DDHD1: variants seen among roughly 807,000 people sequenced by gnomAD.
The protein encoded by DDHD1 is phospholipase DDHD1.
DDHD1 carries 49 observed loss-of-function variants against 96.4 expected under a neutral mutation model. That is an observed-to-expected ratio of 0.51 (90% confidence interval 0.40 to 0.64). The LOEUF is 0.64. Ranked by LOEUF, DDHD1 falls within the 30% of genes least tolerant of loss-of-function variation. The probability of loss-of-function intolerance (pLI) is 0.00; values close to 1 mark genes in which losing one functional copy is unlikely to be tolerated. For missense variants in DDHD1, 1,106 were observed against 1,161.2 expected (o/e 0.95, Z 0.69); for synonymous variants, 442 against 446.5 (o/e 0.99, Z 0.13).
At chr14:53,070,449 T>C (rs1255177479) in intron 6 of DDHD1, among the ~76,000 whole-genome samples, 2 of 152,214 alleles carry the variant, frequency 1.3e-5, no homozygotes, top group African/African-American at 4.8e-5. Context: ...ATATTTTGAA[T>C]CCATCTCTTC....
intron 2 of DDHD1, among the ~76,000 whole-genome samples, chr14:53,096,650 C>T (rs753557806): frequency 9.9e-5 from 15 of 151,888 alleles, no homozygotes; most frequent in Non-Finnish European, 1.6e-4. Flanking sequence ...ATATCTAATG[C>T]AACCTTCCTG....
In DDHD1 at chr14:53,153,114, CCGGCTGTCCGGCGGCG is replaced by C. The variant is rs752918131; in HGVS notation, c.-32_-17del. 24 of 1,376,060 alleles carry C rather than the reference CCGGCTGTCCGGCGGCG, an allele frequency of 1.7e-5. No individual in the cohort carries two copies. Among genetic ancestry groups the C allele is most frequent in the Non-Finnish European group, 2.1e-5 (23 of 1,075,992 alleles). 85.2% of individuals were successfully genotyped at this position (1,376,060 alleles called of 1,614,324 possible). ...GGTAATTCATGCTGTGGAGACGCCG[CCGGCTGTCCGGCGGCG>C]CGCGGAGCCGTGACCCCCAGCGCTT... On this transcript the variant is annotated 5_prime_UTR_variant, in exon 1 of 13. Transcript: ENST00000673822.
Position 53,044,552 on chromosome 14 carries a change from G to GT in DDHD1, c.*2215dup, listed in dbSNP as rs1306875596. ...TTAACGATACAGTCATATAGCATGA[G>GT]TTTAATTTTCCTGAGAACTAAATTA... On this transcript the variant is annotated 3_prime_UTR_variant, in exon 13 of 13. Coordinates refer to ENST00000673822, the MANE Select transcript of DDHD1 (RefSeq NM_001160148.2). 6.6e-6 allele frequency: 1 copy of GT among 152,140 alleles called. No homozygotes were observed. The highest frequency in any genetic ancestry group is 6.5e-5 in the Admixed American group (1 of 15,280). 9.4% of individuals were successfully genotyped at this position (152,140 alleles called of 1,614,324 possible).
intron 12 of DDHD1, among the ~76,000 whole-genome samples, chr14:53,049,271 A>C (rs1202152035): frequency 6.6e-6 from 1 of 152,160 alleles, no homozygotes; most frequent in East Asian, 1.9e-4. Context: ...GATTGTCTCC[A>C]TCAAAGTGGG....
intron 6 of DDHD1, among the ~76,000 whole-genome samples, chr14:53,072,236 A>C (rs1410328105): frequency 1.3e-5 from 2 of 152,088 alleles, no homozygotes; most frequent in Non-Finnish European, 2.9e-5. Flanking sequence ...AAACTGTACG[A>C]ATTCATTACA....
Position 53,153,017 on chromosome 14 carries a change from A to C in DDHD1, c.82T>G (p.Ser28Ala). The C allele has an allele frequency of 6.6e-7, 1 of 1,513,274 alleles. No individual in the cohort carries two copies. Among genetic ancestry groups the C allele is most frequent in the South Asian group, 1.2e-5 (1 of 80,334 alleles). 93.7% of individuals were successfully genotyped at this position (1,513,274 alleles called of 1,614,324 possible). A position where few individuals can be genotyped will look rare whatever the true frequency, so the allele number is the denominator to read the frequency against. ...CCGCCGAACGCTGGCCTCGCGTCTG[A>C]GCCCAGCTCCCAGGCGCCGCCGCCG... ...GGGGGAWELG[S>A]DARPAFGGGV... Residue 28 changes from serine to alanine, a missense_variant, in exon 1 of 13, where the codon TCA (serine) becomes GCA (alanine). This residue lies in a region of DDHD1 where 456 missense variants were observed against 402.4 expected (regional missense o/e 1.13). Coordinates refer to ENST00000673822, the MANE Select transcript of DDHD1 (RefSeq NM_001160148.2).
chr14:53,063,048 C>G lies in DDHD1; in HGVS notation c.1661G>C (p.Arg554Pro), dbSNP rs755789866. 1 of 1,614,014 alleles carries G rather than the reference C, an allele frequency of 6.2e-7. No homozygotes were observed. The highest frequency in any genetic ancestry group is 8.5e-7 in the Non-Finnish European group (1 of 1,179,970). Residue 554 changes from arginine (R) to proline (P), a missense_variant, in exon 7 of 13, where the codon CGG (arginine) becomes CCG (proline). By Grantham distance (103) the Arg-to-Pro change is moderately radical (BLOSUM62 -2). This residue lies in a region of DDHD1 where 650 missense variants were observed against 758.8 expected (regional missense o/e 0.86). Transcript: ENST00000673822. ...CTTTTGCAGCAACTGTTCATACAGC[C>G]GAACTGGATTCCAGCCAGTCATTAT... ...YDIMTGWNPVRLYEQLLQKEE... is the reference protein window; with the variant it reads ...YDIMTGWNPVPLYEQLLQKEE...
At chr14:53,067,402 C>T (rs1884127015) in intron 6 of DDHD1, among the ~76,000 whole-genome samples, 1 of 151,672 alleles carries the variant, frequency 6.6e-6, no homozygotes, top group Non-Finnish European at 1.5e-5. Context: ...AAGTGATCTG[C>T]CCGTCTCGGC....
rs903162429 is a variant in DDHD1, at chr14:53,037,295, T to A, written c.*9473A>T. On this transcript the variant is annotated 3_prime_UTR_variant, in exon 13 of 13. Transcript: ENST00000673822. ...AAATAAACCCATATGCTGGGTTGAATGGTAGATCTGTTTTAAGTTATTTGA... is the reference window on the plus strand; with the variant it reads ...AAATAAACCCATATGCTGGGTTGAAAGGTAGATCTGTTTTAAGTTATTTGA... 1 of 152,320 alleles carries A rather than the reference T, an allele frequency of 6.6e-6. No individual in the cohort carries two copies. The highest frequency in any genetic ancestry group is 2.1e-4 in the South Asian group (1 of 4,834). 9.4% of individuals were successfully genotyped at this position (152,320 alleles called of 1,614,324 possible). A position where few individuals can be genotyped will look rare whatever the true frequency, so the allele number is the denominator to read the frequency against.
chr14:53,069,703 G>C (rs1566535724), intron 6 of DDHD1, among the ~76,000 whole-genome samples: 2 of 152,010 alleles, frequency 1.3e-5, no homozygotes, highest in Non-Finnish European at 2.9e-5. Flanking sequence ...CAACACACAT[G>C]CATATTTTAG....
At chr14:53,082,530 G>A (rs192439967) in intron 4 of DDHD1, among the ~76,000 whole-genome samples, 12 of 151,188 alleles carry the variant, frequency 7.9e-5, no homozygotes, top group African/African-American at 2.2e-4. Flanking sequence ...AAGCTGAGGT[G>A]GGTGGATCAC....
intron 5 of DDHD1, 48 bp from the exon 6 acceptor site, chr14:53,072,751 T>C (rs776279105): frequency 5.1e-6 from 7 of 1,360,910 alleles, no homozygotes; most frequent in Non-Finnish European, 6.2e-6. Flanking sequence ...AAAGTCTCTG[T>C]TACAGGAAAG....
At position 53,038,016 on chromosome 14, in the gene DDHD1, C is replaced by T. The variant is rs1881385107; in HGVS notation, c.*8752G>A. The T allele has an allele frequency of 6.6e-6, 1 of 152,006 alleles. No individual in the cohort carries two copies. Among genetic ancestry groups the T allele is most frequent in the African/African-American group, 2.4e-5 (1 of 41,388 alleles). The allele number at this position is 152,006 out of a possible 1,614,324, so 9.4% of individuals were successfully genotyped here. On this transcript the variant is annotated 3_prime_UTR_variant, in exon 13 of 13. Transcript: ENST00000673822. ...TCCAACATCCCTCATGATAAAACCCCTCAACAGACTAGGTATCAAAGGAAC... is the reference window on the plus strand; with the variant it reads ...TCCAACATCCCTCATGATAAAACCCTTCAACAGACTAGGTATCAAAGGAAC...
rs553028710 is a variant in DDHD1, at chr14:53,087,948, C to A, written c.1289+3837G>T. Among the ~76,000 whole-genome samples the A allele has an allele frequency of 5.8e-4, 89 of 152,198 alleles. 1 individual carries two copies. Among genetic ancestry groups the A allele is most frequent in the Non-Finnish European group, 1.1e-3 (72 of 68,014 alleles). On this transcript the variant is annotated intron_variant, in intron 4 of 12. Coordinates refer to ENST00000673822, the MANE Select transcript of DDHD1 (RefSeq NM_001160148.2). The stretch of plus-strand genomic sequence containing the variant: ...AACAAAGAAGAAAAAAGAGAAGAAT[C>A]AAATAGATGCAATAAAAAACGATAA...
intron 2 of DDHD1, among the ~76,000 whole-genome samples, chr14:53,099,910 A>T (rs932248657): frequency 3.3e-5 from 5 of 152,162 alleles, no homozygotes; most frequent in African/African-American, 1.2e-4. Flanking sequence ...TGCTACAAAG[A>T]GTTACACACT....
intron 4 of DDHD1, among the ~76,000 whole-genome samples, chr14:53,091,538 T>C (rs1466338000): frequency 2.0e-5 from 3 of 152,178 alleles, no homozygotes; most frequent in African/African-American, 7.2e-5. Flanking sequence ...ATGTATTAGA[T>C]TAAAAAAGGC....
intron 8 of DDHD1, among the ~76,000 whole-genome samples, chr14:53,059,705 A>C (rs1483030199): frequency 1.3e-5 from 2 of 149,858 alleles, no homozygotes; most frequent in Non-Finnish European, 3.0e-5. Flanking sequence ...CTCTACTAAA[A>C]ATACAAAAAT....
intron 1 of DDHD1, among the ~76,000 whole-genome samples, chr14:53,143,627 AC>A (rs1299255721): frequency 6.6e-6 from 1 of 152,224 alleles, no homozygotes; most frequent in Non-Finnish European, 1.5e-5. Context: ...GCAGAGGACA[AC>A]AAAGGAAGGA....
chr14:53,105,082 A>C (rs143574443), intron 1 of DDHD1, among the ~76,000 whole-genome samples: 2 of 152,182 alleles, frequency 1.3e-5, no homozygotes, highest in African/African-American at 4.8e-5. Context: ...AAGACAAAAG[A>C]GATACAAATA....
Sources: gnomAD v4.1 joint callset for allele counts (sites outside exome capture counted in the v4.1 genomes callset) on GRCh38, gnomAD v4.1.1 for gene constraint, gnomAD v4.1.1 regional missense constraint, MANE v1.5 for transcripts, NCBI Gene and HGNC (gene_info 2026-07-23, HGNC 2026-07-21) for gene names.